ROBO2: variants seen among roughly 807,000 people sequenced by gnomAD.
ROBO2 encodes the protein roundabout homolog 2.
ROBO2 carries 53 observed loss-of-function variants against 160.8 expected under a neutral mutation model. The observed-to-expected ratio is 0.33, with a 90% CI of 0.26 to 0.41. The LOEUF (loss-of-function observed/expected upper bound fraction) is 0.41. ROBO2 is among the 10% of genes least tolerant of loss of function. The pLI is 1.00. For synonymous variants in ROBO2, 664 were observed against 611.7 expected, an observed-to-expected ratio of 1.09 and a Z score of -1.26; for missense variants, 1,577 against 1,722.4, an observed-to-expected ratio of 0.92 and a Z score of 1.49.
chr3:76,002,347 C>A (rs909230167), intron 2 of ROBO2, among the ~76,000 whole-genome samples: 1 of 152,140 alleles, frequency 6.6e-6, no homozygotes. Flanking sequence ...CAAATCTCAT[C>A]TTGAATTGTA....
At chr3:76,394,922 CAG>C (rs2077351033) in intron 2 of ROBO2, among the ~76,000 whole-genome samples, 1 of 152,074 alleles carries the variant, frequency 6.6e-6, no homozygotes, top group African/African-American at 2.4e-5. Context: ...ATCAACGAGA[CAG>C]AAAGTCAACA....
chr3:77,033,526 A>G (rs140019198), intron 2 of ROBO2, among the ~76,000 whole-genome samples: 1 of 152,148 alleles, frequency 6.6e-6, no homozygotes, highest in Non-Finnish European at 1.5e-5. Context: ...GAAATAAAAT[A>G]ATAGGTTAAG....
At chr3:76,197,012 G>A (rs1702291020) in intron 2 of ROBO2, among the ~76,000 whole-genome samples, 1 of 152,178 alleles carries the variant, frequency 6.6e-6, no homozygotes, top group Admixed American at 6.5e-5. Context: ...AGTGCAAATT[G>A]AATTGTGACC....
At chr3:76,062,525 G>A (rs773979947) in intron 2 of ROBO2, among the ~76,000 whole-genome samples, 11 of 152,100 alleles carry the variant, frequency 7.2e-5, no homozygotes, top group Non-Finnish European at 1.6e-4. Context: ...GATATGAAGT[G>A]AAGTCAATAC....
intron 2 of ROBO2, among the ~76,000 whole-genome samples, chr3:76,968,011 C>T (rs1014002261): frequency 5.3e-5 from 8 of 152,032 alleles, no homozygotes; most frequent in African/African-American, 1.9e-4. Flanking sequence ...GGAAGGCTTA[C>T]ATTTTGTGTT....
intron 2 of ROBO2, among the ~76,000 whole-genome samples, chr3:77,462,517 T>A (rs1001796686): frequency 1.3e-5 from 2 of 152,254 alleles, no homozygotes; most frequent in Admixed American, 1.3e-4. Flanking sequence ...AATTGCCATT[T>A]GTGTCACTGA....
intron 2 of ROBO2, among the ~76,000 whole-genome samples, chr3:76,141,159 C>CTCTCTATATATATATATATA (rs1364431015): frequency 1.1e-4 from 1 of 9,176 alleles, no homozygotes; most frequent in African/African-American, 4.3e-4. Context: ...CTCTCTCTCT[C>CTCTCTATATATATATATATA]TATATATATA....
In ROBO2 at chr3:77,477,571, T is replaced by A. The variant is rs201116159; in HGVS notation, c.546T>A (p.Ser182Arg). 45 of 1,613,776 alleles carry A rather than the reference T, an allele frequency of 2.8e-5. No individual in the cohort carries two copies. The African/African-American group carries it at 5.9e-4, about 21-fold the overall frequency. Residue 182 changes from serine (S) to arginine (R), a missense_variant and splice_region_variant, in exon 3 of 26, where the codon AGT becomes AGA. Ser to Arg is a moderately radical substitution (Grantham distance 110). Around this residue, in one of 2 missense-constraint regions of ROBO2, gnomAD observed 940 missense variants for 1,135.5 expected, o/e 0.83. Coordinates refer to ENST00000461745, the Ensembl canonical transcript of ROBO2. ...TTGATGACAAGGAAGAAAGAATAAG[T>A]GTGAGTTAAATTAAAATCATGGCCC...
At chr3:76,953,244 G>A (rs1300713706) in intron 2 of ROBO2, among the ~76,000 whole-genome samples, 1 of 152,094 alleles carries the variant, frequency 6.6e-6, no homozygotes, top group Non-Finnish European at 1.5e-5. Context: ...TTTGGTAAGT[G>A]TGCATTTTCG....
At chr3:77,348,070 T>C (rs2067872633) in intron 2 of ROBO2, among the ~76,000 whole-genome samples, 1 of 152,084 alleles carries the variant, frequency 6.6e-6, no homozygotes, top group Non-Finnish European at 1.5e-5. Context: ...ATCCCTTTCC[T>C]GTGGTGAGAA....
chr3:77,644,054 A>C (rs143753148), intron 24 of ROBO2, among the ~76,000 whole-genome samples: 1 of 152,212 alleles, frequency 6.6e-6, no homozygotes, highest in African/African-American at 2.4e-5. Flanking sequence ...AAGAAAAAAC[A>C]ATTTTTGAAC....
intron 2 of ROBO2, among the ~76,000 whole-genome samples, chr3:76,549,012 T>C (rs979099522): frequency 1.3e-5 from 2 of 152,120 alleles, no homozygotes; most frequent in African/African-American, 4.8e-5. Flanking sequence ...ATTGTAGAGA[T>C]AGAGTATCAC....
chr3:76,809,265 T>C (rs2064978772), intron 2 of ROBO2, among the ~76,000 whole-genome samples: 1 of 152,232 alleles, frequency 6.6e-6, no homozygotes, highest in South Asian at 2.1e-4. Flanking sequence ...CCTCAGGTTG[T>C]TGGCAGAATT....
chr3:76,755,663 T>C (rs1319222133), intron 2 of ROBO2, among the ~76,000 whole-genome samples: 1 of 151,872 alleles, frequency 6.6e-6, no homozygotes, highest in African/African-American at 2.4e-5. Context: ...ACAATATCTT[T>C]TTTCAGTTTT....
intron 2 of ROBO2, among the ~76,000 whole-genome samples, chr3:76,009,905 T>A (rs2066144468): frequency 6.6e-6 from 1 of 152,252 alleles, no homozygotes; most frequent in Non-Finnish European, 1.5e-5. Context: ...TGAAAATTGG[T>A]AAACTTAATT....
chr3:76,517,347 TTGTTAAG>T (rs138198865), intron 2 of ROBO2, among the ~76,000 whole-genome samples: 12,743 of 152,168 alleles, frequency 0.084, 648 homozygotes, highest in Middle Eastern at 0.12. Context: ...GAGTGACAAT[TTGTTAAG>T]TGTTTACTAG....
chr3:76,472,847 T>A (rs894979885), intron 2 of ROBO2, among the ~76,000 whole-genome samples: 5 of 152,136 alleles, frequency 3.3e-5, no homozygotes, highest in African/African-American at 1.2e-4. Flanking sequence ...ATCAGGGAGA[T>A]GTTGATAGAT....
At chr3:76,812,684 CTTATAA>C in intron 2 of ROBO2, among the ~76,000 whole-genome samples, 1 of 151,866 alleles carries the variant, frequency 6.6e-6, no homozygotes, top group Non-Finnish European at 1.5e-5. Context: ...AAATAAAAAA[CTTATAA>C]TTAAAATAAG....
At chr3:76,527,562 T>C (rs1052172498) in intron 2 of ROBO2, among the ~76,000 whole-genome samples, 1 of 152,118 alleles carries the variant, frequency 6.6e-6, no homozygotes, top group African/African-American at 2.4e-5. Context: ...ATTAACTCAT[T>C]ATATAAACAC....
Sources: allele counts gnomAD v4.1 joint callset (sites outside exome capture counted in the v4.1 genomes callset), GRCh38; gene constraint gnomAD v4.1.1; regional missense constraint gnomAD v4.1.1; transcripts MANE v1.5; gene names NCBI Gene and HGNC (gene_info 2026-07-23, HGNC 2026-07-21).